Variants in GALNT17 observed in about 807,000 individuals in gnomAD.
GALNT17 encodes polypeptide N-acetylgalactosaminyltransferase 17.
In GALNT17, 29 loss-of-function variants were observed where a neutral mutation model predicts 63.7. That is an observed-to-expected ratio of 0.46 (90% CI 0.34 to 0.62). The LOEUF is 0.62. GALNT17 is among the 20% of genes least tolerant of loss of function. GALNT17 has a pLI of 0.01. For missense variants in GALNT17, 603 were observed against 799.6 expected, an observed-to-expected ratio of 0.75 and a Z score of 2.97; for synonymous variants, 305 against 318.3, an observed-to-expected ratio of 0.96 and a Z score of 0.45.
chr7:71,378,612 A>G (rs1180108200), intron 2 of GALNT17, among the ~76,000 whole-genome samples: 3 of 152,176 alleles, frequency 2.0e-5, no homozygotes, highest in Non-Finnish European at 2.9e-5. Context: ...AGCAGAGGGA[A>G]TAAATAGGAA....
intron 6 of GALNT17, among the ~76,000 whole-genome samples, chr7:71,573,909 A>G (rs1340046922): frequency 1.3e-5 from 2 of 152,176 alleles, no homozygotes; most frequent in African/African-American, 2.4e-5. Flanking sequence ...GTTCCCACTT[A>G]TACATGAAAA....
At chr7:71,279,732 G>C (rs1457035771) in intron 1 of GALNT17, among the ~76,000 whole-genome samples, 1 of 150,954 alleles carries the variant, frequency 6.6e-6, no homozygotes, top group Non-Finnish European at 1.5e-5. Context: ...GAGCATGGAG[G>C]GTCTTTGATA....
intron 1 of GALNT17, among the ~76,000 whole-genome samples, chr7:71,147,998 T>C (rs1378444861): frequency 6.6e-6 from 1 of 152,206 alleles, no homozygotes; most frequent in African/African-American, 2.4e-5. Context: ...CAGAATTAAA[T>C]GTCCTTTCTT....
intron 6 of GALNT17, among the ~76,000 whole-genome samples, chr7:71,663,464 G>A (rs1003949752): frequency 2.6e-5 from 4 of 152,106 alleles, no homozygotes; most frequent in Non-Finnish European, 5.9e-5. Flanking sequence ...CTATTCCCAG[G>A]CCCTTTGCCA....
intron 1 of GALNT17, among the ~76,000 whole-genome samples, chr7:71,267,567 C>T (rs942718800): frequency 5.3e-5 from 8 of 152,278 alleles, no homozygotes; most frequent in Admixed American, 3.9e-4. Context: ...TCATCCATTT[C>T]GGTAAATATC....
chr7:71,447,757 T>G (rs1355253800), intron 5 of GALNT17, among the ~76,000 whole-genome samples: 1 of 152,234 alleles, frequency 6.6e-6, no homozygotes, highest in Non-Finnish European at 1.5e-5. Context: ...CCTTTCTGTT[T>G]GTTTCCTTAA....
chr7:71,633,309 G>C lies in GALNT17; in HGVS notation c.1081-32102G>C, dbSNP rs368906912. 9.2e-5 allele frequency among the ~76,000 whole-genome samples: 14 copies of C among 152,118 alleles called. 1 individual carries two copies. The highest frequency in any genetic ancestry group is 7.2e-4 in the Admixed American group (11 of 15,280). The stretch of plus-strand genomic sequence containing the variant: ...ATGGAACACTCTAGTGCAATGTGGG[G>C]AGTTTGCATCATAAAATCATAGGAT... On this transcript the variant is annotated intron_variant, in intron 6 of 10. Coordinates refer to ENST00000333538, the MANE Select transcript of GALNT17 (RefSeq NM_022479.3).
chr7:71,576,570 G>GTGTGTGTGTGT (rs1789541644), intron 6 of GALNT17, among the ~76,000 whole-genome samples: 2 of 93,704 alleles, frequency 2.1e-5, no homozygotes, highest in Non-Finnish European at 4.5e-5. Flanking sequence ...TGTGTGTTTT[G>GTGTGTGTGTGT]TTTGTTTGTT....
At chr7:71,294,771 T>A (rs1791047614) in intron 1 of GALNT17, among the ~76,000 whole-genome samples, 2 of 152,176 alleles carry the variant, frequency 1.3e-5, no homozygotes, top group South Asian at 4.1e-4. Context: ...ATTTTGTATA[T>A]TCAAATGCTT....
chr7:71,577,933 T>A (rs548513248), intron 6 of GALNT17, among the ~76,000 whole-genome samples: 1 of 152,124 alleles, frequency 6.6e-6, no homozygotes, highest in Non-Finnish European at 1.5e-5. Flanking sequence ...CAGGGTTTCA[T>A]AGTGTCTGAG....
At chr7:71,622,506 C>T (rs989020535) in intron 6 of GALNT17, among the ~76,000 whole-genome samples, 5 of 152,128 alleles carry the variant, frequency 3.3e-5, no homozygotes, top group African/African-American at 7.2e-5. Flanking sequence ...GTGTCTCTCT[C>T]GGCTTCTGCT....
At chr7:71,158,305 T>A (rs1427792823) in intron 1 of GALNT17, among the ~76,000 whole-genome samples, 2 of 151,740 alleles carry the variant, frequency 1.3e-5, no homozygotes, top group African/African-American at 4.9e-5. Flanking sequence ...CCTTTGGGGG[T>A]TGACTGCCTT....
At chr7:71,377,099 A>AT (rs1198174201) in intron 2 of GALNT17, among the ~76,000 whole-genome samples, 5 of 56,522 alleles carry the variant, frequency 8.8e-5, no homozygotes, top group African/African-American at 4.6e-4. Flanking sequence ...AAAAAAAAAA[A>AT]ATAAAAATAA....
chr7:71,439,126 T>A (rs1400514599), intron 5 of GALNT17, among the ~76,000 whole-genome samples: 2 of 151,908 alleles, frequency 1.3e-5, no homozygotes, highest in Non-Finnish European at 2.9e-5. Flanking sequence ...TGGCCTCAAG[T>A]GATCCTCCCA....
intron 7 of GALNT17, among the ~76,000 whole-genome samples, chr7:71,666,495 C>T (rs113602274): frequency 0.028 from 4,285 of 151,876 alleles, 109 homozygotes; most frequent in Non-Finnish European, 0.04. Flanking sequence ...GATCCTGGTG[C>T]AACCGTCACC....
intron 6 of GALNT17, among the ~76,000 whole-genome samples, chr7:71,629,292 C>T (rs557171961): frequency 2.2e-4 from 34 of 152,178 alleles, no homozygotes; most frequent in African/African-American, 7.2e-4. Context: ...CACAATCCTG[C>T]GGGCTGCATT....
At chr7:71,365,759 TG>T (rs1792492821) in intron 2 of GALNT17, among the ~76,000 whole-genome samples, 1 of 152,182 alleles carries the variant, frequency 6.6e-6, no homozygotes, top group African/African-American at 2.4e-5. Flanking sequence ...CCAGCCTTTT[TG>T]GTACCAGGGA....
At chr7:71,486,638 T>G (rs986304202) in intron 5 of GALNT17, among the ~76,000 whole-genome samples, 6 of 151,440 alleles carry the variant, frequency 4.0e-5, no homozygotes, top group Non-Finnish European at 8.8e-5. Flanking sequence ...GGCGGATTGC[T>G]TGAGCCCAGC....
intron 2 of GALNT17, among the ~76,000 whole-genome samples, chr7:71,339,412 C>T (rs752316895): frequency 7.2e-5 from 11 of 152,142 alleles, no homozygotes; most frequent in African/African-American, 2.4e-4. Flanking sequence ...GGGGGCCAGG[C>T]GTGGTGGCTC....
Sources: allele counts gnomAD v4.1 joint callset (sites outside exome capture counted in the v4.1 genomes callset), GRCh38; gene constraint gnomAD v4.1.1; transcripts MANE v1.5; gene names NCBI Gene and HGNC (gene_info 2026-07-23, HGNC 2026-07-21).